The following SNTB1 variants were observed in gnomAD, a reference collection of about 807,000 sequenced individuals.
SNTB1 encodes the protein beta-1-syntrophin.
Under a neutral mutation model 48.9 loss-of-function variants are expected in SNTB1, and 36 were observed. That is an observed-to-expected ratio of 0.74 (90% CI 0.56 to 0.97). The LOEUF is 0.97. SNTB1 is among the 50% of genes least tolerant of loss of function. The pLI is 0.00. For synonymous variants in SNTB1, 299 were observed against 294.6 expected, an observed-to-expected ratio of 1.01 and a Z score of -0.15; for missense variants, 786 against 703.4, an observed-to-expected ratio of 1.12 and a Z score of -1.33.
chr8:120,743,513 G>A (rs1005675210), intron 1 of SNTB1, among the ~76,000 whole-genome samples: 1 of 152,186 alleles, frequency 6.6e-6, no homozygotes, highest in Non-Finnish European at 1.5e-5. Context: ...TGTGTTTAAA[G>A]GGTTGTGCCT....
At chr8:120,719,695 G>C (rs1323086468) in intron 1 of SNTB1, among the ~76,000 whole-genome samples, 3 of 152,152 alleles carry the variant, frequency 2.0e-5, no homozygotes, top group Non-Finnish European at 4.4e-5. Flanking sequence ...CTTGAGTGCA[G>C]GTGGTTTATT....
At position 120,575,165 on chromosome 8, in the gene SNTB1, G is replaced by A; in HGVS notation, c.1057C>T (p.Leu353Phe). 1.9e-6 allele frequency: 3 copies of A among 1,614,086 alleles called. No homozygotes were observed. Among genetic ancestry groups the A allele is most frequent in the Non-Finnish European group, 2.5e-6 (3 of 1,179,996 alleles). ...PALVVLTEKD[L>F]LIYDSMPRRK... ...CGTGGCATGCTGTCATAGATTAAAA[G>A]GTCTTTCTCAGTCAGCACAACCAGG... The change falls in exon 4 of 7, where the codon CTT becomes TTT. Residue 353 changes from leucine (L) to phenylalanine (F), a missense_variant. Physicochemically the swap from Leu to Phe is conservative, Grantham distance 22. Coordinates refer to ENST00000517992, the MANE Select transcript of SNTB1 (RefSeq NM_021021.4).
chr8:120,744,798 C>T (rs189997606), intron 1 of SNTB1, among the ~76,000 whole-genome samples: 200 of 152,262 alleles, frequency 1.3e-3, no homozygotes, highest in African/African-American at 4.8e-3. Context: ...ATGTCCAAAG[C>T]ACCTAATATT....
At chr8:120,651,368 G>A (rs962693784) in intron 2 of SNTB1, among the ~76,000 whole-genome samples, 5 of 152,202 alleles carry the variant, frequency 3.3e-5, no homozygotes, top group African/African-American at 4.8e-5. Flanking sequence ...CTGATAACAT[G>A]TCACCCTTTA....
chr8:120,800,099 A>G (rs1311205637), intron 1 of SNTB1, among the ~76,000 whole-genome samples: 1 of 152,040 alleles, frequency 6.6e-6, no homozygotes, highest in African/African-American at 2.4e-5. Flanking sequence ...CTTCCTTGAA[A>G]TTGTAAAACA....
At chr8:120,684,875 T>C (rs2129832215) in intron 2 of SNTB1, among the ~76,000 whole-genome samples, 2 of 152,256 alleles carry the variant, frequency 1.3e-5, no homozygotes, top group Middle Eastern at 3.4e-3. Flanking sequence ...AGGCTGGTCT[T>C]GAACTCCTGA....
chr8:120,669,624 T>C (rs1817727398), intron 2 of SNTB1, among the ~76,000 whole-genome samples: 1 of 87,288 alleles, frequency 1.1e-5, no homozygotes, highest in Admixed American at 1.0e-4. Context: ...GGCTAATTTT[T>C]TGTATTTTTA....
At position 120,589,120 on chromosome 8, in the gene SNTB1, T is replaced by G. The variant is rs531721529; in HGVS notation, c.997-13895A>C. Among the ~76,000 whole-genome samples, 694 of 152,330 alleles carry G rather than the reference T, an allele frequency of 4.6e-3. 17 individuals are homozygous for G. Among genetic ancestry groups the G allele is most frequent in the Admixed American group, 0.032 (484 of 15,306 alleles). ...CAGGAATTGAGACTACACATCTGTA[T>G]TTATACACCCTCTTTTGAGGACTCT... On this transcript the variant is annotated intron_variant, in intron 3 of 6. Coordinates refer to ENST00000517992, the MANE Select transcript of SNTB1 (RefSeq NM_021021.4).
At chr8:120,569,839 C>T (rs530320409) in intron 4 of SNTB1, among the ~76,000 whole-genome samples, 2 of 152,310 alleles carry the variant, frequency 1.3e-5, no homozygotes, top group East Asian at 3.9e-4. Flanking sequence ...AATTTAATTA[C>T]TTTAAGTAGC....
At chr8:120,682,286 T>C (rs962672020) in intron 2 of SNTB1, among the ~76,000 whole-genome samples, 1 of 152,220 alleles carries the variant, frequency 6.6e-6, no homozygotes, top group Non-Finnish European at 1.5e-5. Flanking sequence ...TTTTAAATTA[T>C]CTGTCTTATC....
intron 2 of SNTB1, among the ~76,000 whole-genome samples, chr8:120,673,766 C>T (rs1817792358): frequency 6.6e-6 from 1 of 151,776 alleles, no homozygotes; most frequent in South Asian, 2.1e-4. Context: ...GGCCAACCCC[C>T]ATGCCAACCT....
chr8:120,638,739 CT>C (rs1046075685), intron 2 of SNTB1, among the ~76,000 whole-genome samples: 3 of 152,092 alleles, frequency 2.0e-5, no homozygotes, highest in African/African-American at 7.2e-5. Context: ...ATGAACTCAT[CT>C]TTTTTATGGC....
At chr8:120,692,859 T>G (rs543799215) in intron 2 of SNTB1, among the ~76,000 whole-genome samples, 1 of 152,348 alleles carries the variant, frequency 6.6e-6, no homozygotes, top group African/African-American at 2.4e-5. Context: ...TGGAAGGTTT[T>G]CCTGTACTGA....
rs543682745 is a variant in SNTB1, at chr8:120,671,917, T to G, written c.788+21775A>C. Among the ~76,000 whole-genome samples the G allele has an allele frequency of 3.3e-5, 5 of 152,340 alleles. No individual in the cohort carries two copies. In the South Asian group the frequency reaches 1.0e-3, roughly 32 times the overall value. On this transcript the variant is annotated intron_variant, in intron 2 of 6. Transcript: ENST00000517992. Reference sequence around the variant, plus strand: ...CCTTTTGAATATTAAACCAAGTGCATGTACAGATGGTCCCCAACTTATAGT... The same window carrying G: ...CCTTTTGAATATTAAACCAAGTGCAGGTACAGATGGTCCCCAACTTATAGT...
At chr8:120,641,754 A>G (rs1817200040) in intron 2 of SNTB1, among the ~76,000 whole-genome samples, 1 of 152,248 alleles carries the variant, frequency 6.6e-6, no homozygotes, top group Non-Finnish European at 1.5e-5. Flanking sequence ...GAAATAGAAT[A>G]TTACAGTCAT....
chr8:120,691,282 G>T (rs1284530205), intron 2 of SNTB1, among the ~76,000 whole-genome samples: 7 of 152,128 alleles, frequency 4.6e-5, no homozygotes, highest in Non-Finnish European at 8.8e-5. Context: ...GTAAGCTTTT[G>T]TCTCAGTTTA....
intron 3 of SNTB1, among the ~76,000 whole-genome samples, chr8:120,597,095 A>G (rs769421360): frequency 6.6e-6 from 1 of 152,222 alleles, no homozygotes; most frequent in African/African-American, 2.4e-5. Context: ...CCTAAATGCA[A>G]TCACAAGAGG....
At chr8:120,634,938 G>A (rs930380523) in intron 2 of SNTB1, among the ~76,000 whole-genome samples, 11 of 149,798 alleles carry the variant, frequency 7.3e-5, no homozygotes, top group East Asian at 5.9e-4. Context: ...TGCAAGCTCC[G>A]CCTCCCAGGT....
intron 1 of SNTB1, among the ~76,000 whole-genome samples, chr8:120,779,733 T>G (rs1431641097): frequency 1.3e-5 from 2 of 152,110 alleles, no homozygotes; most frequent in African/African-American, 4.8e-5. Context: ...TTCTGGCTTG[T>G]GTTAATAGAT....
Sources: allele counts gnomAD v4.1 joint callset (sites outside exome capture counted in the v4.1 genomes callset), GRCh38; gene constraint gnomAD v4.1.1; transcripts MANE v1.5; gene names NCBI Gene and HGNC (gene_info 2026-07-23, HGNC 2026-07-21).